The following MTHFD1 variants were observed in gnomAD, a reference collection of about 807,000 sequenced individuals.
MTHFD1 encodes the protein methylenetetrahydrofolate dehydrogenase, cyclohydrolase and formyltetrahydrofolate synthetase 1.
A neutral mutation model predicts 110.3 loss-of-function variants in MTHFD1; 44 were observed. The ratio of observed to expected loss-of-function variants is 0.40; its 90% CI spans 0.31 to 0.51. The LOEUF is 0.51. MTHFD1 is among the 20% of genes least tolerant of loss of function. The probability of loss-of-function intolerance (pLI) is 0.60; values close to 1 mark genes in which losing one functional copy is unlikely to be tolerated. For missense variants in MTHFD1, 909 were observed against 1,173.1 expected, an observed-to-expected ratio of 0.77 and a Z score of 3.29; for synonymous variants, 402 against 428.8, an observed-to-expected ratio of 0.94 and a Z score of 0.77.
chr14:64,395,505 G>C (rs569225297), intron 1 of MTHFD1, among the ~76,000 whole-genome samples: 1 of 152,152 alleles, frequency 6.6e-6, no homozygotes. Flanking sequence ...GGACTCCGAA[G>C]GTTCTTTCCT....
At chr14:64,437,745 A>G (rs924993578) in intron 16 of MTHFD1, among the ~76,000 whole-genome samples, 8 of 152,146 alleles carry the variant, frequency 5.3e-5, no homozygotes, top group African/African-American at 1.9e-4. Flanking sequence ...GAAGCATTTC[A>G]CTTGTGTTTA....
intron 26 of MTHFD1, among the ~76,000 whole-genome samples, chr14:64,457,191 G>C (rs555145106): frequency 6.6e-6 from 1 of 152,326 alleles, no homozygotes; most frequent in East Asian, 1.9e-4. Context: ...CTACCATCGT[G>C]TTGCTGAAGC....
Position 64,427,438 on chromosome 14 carries a change from G to A in MTHFD1, c.1229G>A (p.Arg410Gln), listed in dbSNP as rs765818219. The change falls in exon 12 of 28, where the codon CGA (arginine) becomes CAA (glutamine). Residue 410 changes from arginine to glutamine, a missense_variant. Physicochemically the swap from Arg to Gln is conservative, Grantham distance 43. This residue lies in a region of MTHFD1 where 424 missense variants were observed against 510.4 expected (regional missense o/e 0.83). Coordinates refer to ENST00000652337, the MANE Select transcript of MTHFD1 (RefSeq NM_005956.4). ...HLYQNVFACVRQPSQGPTFGI... is the reference protein window; with the variant it reads ...HLYQNVFACVQQPSQGPTFGI... ...TACCAGAATGTCTTTGCGTGTGTGC[G>A]ACAGCCTTCTCAGGGCCCCACCTTT... 3.1e-6 allele frequency: 5 copies of A among 1,614,054 alleles called. No individual in the cohort carries two copies. Among genetic ancestry groups the A allele is most frequent in the Non-Finnish European group, 3.4e-6 (4 of 1,180,038 alleles).
intron 23 of MTHFD1, 189 bp from the exon 24 acceptor site, chr14:64,449,256 A>G (rs936076347): frequency 1.5e-6 from 1 of 660,004 alleles, no homozygotes; most frequent in Non-Finnish European, 2.7e-6. Context: ...TGAGGCACAT[A>G]AAGATTAGGT....
intron 2 of MTHFD1, among the ~76,000 whole-genome samples, chr14:64,406,047 A>ATTT (rs201337278): frequency 2.0e-5 from 3 of 147,748 alleles, no homozygotes; most frequent in African/African-American, 7.4e-5. Context: ...TATTATTATT[A>ATTT]TTTTTTTTGA....
intron 15 of MTHFD1, among the ~76,000 whole-genome samples, chr14:64,434,304 A>C (rs1190918215): frequency 6.6e-6 from 1 of 152,180 alleles, no homozygotes; most frequent in Non-Finnish European, 1.5e-5. Flanking sequence ...TAATCCCAGC[A>C]CTTTGGGAGG....
chr14:64,398,071 G>A (rs898918475), intron 1 of MTHFD1, among the ~76,000 whole-genome samples: 2 of 152,118 alleles, frequency 1.3e-5, no homozygotes, highest in African/African-American at 4.8e-5. Flanking sequence ...GGAGCAGCTA[G>A]GGCTGGAACT....
intron 1 of MTHFD1, among the ~76,000 whole-genome samples, chr14:64,398,333 C>T (rs1363999464): frequency 6.6e-6 from 1 of 152,120 alleles, no homozygotes; most frequent in East Asian, 1.9e-4. Flanking sequence ...ATCACTTGAG[C>T]TCAGGAGTTC....
intron 19 of MTHFD1, 91 bp downstream of exon 19, chr14:64,441,544 C>T: frequency 1.7e-6 from 2 of 1,191,744 alleles, no homozygotes; most frequent in Non-Finnish European, 2.5e-6. Flanking sequence ...CGGTGGCTCA[C>T]ACCTGTAATC....
chr14:64,449,179 A>AT, intron 23 of MTHFD1: 1 of 510,040 alleles, frequency 2.0e-6, no homozygotes, highest in Non-Finnish European at 3.6e-6. Context: ...TGGATTTACC[A>AT]TCTGAGTCTC....
At chr14:64,459,615 C>T (rs145941228) in intron 27 of MTHFD1, 144 bp from the exon 28 acceptor site, 26 of 668,918 alleles carry the variant, frequency 3.9e-5, no homozygotes, top group Non-Finnish European at 5.2e-5. Context: ...TTTATGGACA[C>T]GCCCTAGAAG....
intron 6 of MTHFD1, among the ~76,000 whole-genome samples, chr14:64,416,757 C>T (rs1566561125): frequency 6.6e-6 from 1 of 152,114 alleles, no homozygotes; most frequent in Non-Finnish European, 1.5e-5. Flanking sequence ...ATTTAGCAAA[C>T]ATTGTAGTGC....
At chr14:64,411,183 C>T in intron 3 of MTHFD1, 34 bp downstream of exon 3, 2 of 1,558,674 alleles carry the variant, frequency 1.3e-6, no homozygotes, top group Non-Finnish European at 1.8e-6. Flanking sequence ...TCACCCTCCC[C>T]AACCTCCACC....
At chr14:64,456,070 A>C (rs1256004774) in intron 26 of MTHFD1, among the ~76,000 whole-genome samples, 2 of 152,208 alleles carry the variant, frequency 1.3e-5, no homozygotes, top group Non-Finnish European at 2.9e-5. Context: ...CTACCAGCTG[A>C]AAGACGGGTA....
rs1340700413 is a variant in MTHFD1, at chr14:64,440,206, A to T, written c.1755A>T (p.Arg585Ser). Residue 585 changes from arginine to serine, a missense_variant, in exon 18 of 28, where the codon AGA (arginine) becomes AGT (serine). Physicochemically the swap from Arg to Ser is moderately radical, Grantham distance 110. Around this residue, in one of 3 missense-constraint regions of MTHFD1, gnomAD observed 482 missense variants for 646.0 expected, o/e 0.75. Coordinates refer to ENST00000652337, the MANE Select transcript of MTHFD1 (RefSeq NM_005956.4). ...LTTSLEDMRE[R>S]LGKMVVASSK... Reference sequence around the variant, plus strand: ...CTTCTCTAGAAGACATGAGAGAGAGACTGGGCAAAATGGTGGTGGCATCCA... The same window carrying T: ...CTTCTCTAGAAGACATGAGAGAGAGTCTGGGCAAAATGGTGGTGGCATCCA... 1 of 1,614,046 alleles carries T rather than the reference A, an allele frequency of 6.2e-7. No homozygotes were observed. Among genetic ancestry groups the T allele is most frequent in the African/African-American group, 1.3e-5 (1 of 74,910 alleles).
intron 11 of MTHFD1, 151 bp downstream of exon 11, chr14:64,426,343 A>G (rs1158052938): frequency 1.1e-6 from 1 of 881,794 alleles, no homozygotes; most frequent in Non-Finnish European, 1.8e-6. Context: ...CCTTACAGCA[A>G]TCCTGAGAGG....
chr14:64,436,143 A>G (rs1221228000), intron 16 of MTHFD1, among the ~76,000 whole-genome samples: 4 of 151,746 alleles, frequency 2.6e-5, no homozygotes, highest in South Asian at 2.1e-4. Flanking sequence ...CGCCCAGGCT[A>G]GAGTGCAGTG....
chr14:64,425,590 T>C, intron 9 of MTHFD1, 140 bp from the exon 10 acceptor site: 1 of 767,550 alleles, frequency 1.3e-6, no homozygotes, highest in South Asian at 1.5e-5. Context: ...TCTTGACTCT[T>C]AGCTAGGATT....
At chr14:64,410,513 G>T (rs1350676599) in intron 2 of MTHFD1, among the ~76,000 whole-genome samples, 1 of 152,100 alleles carries the variant, frequency 6.6e-6, no homozygotes, top group Non-Finnish European at 1.5e-5. Context: ...GACCTGAGTT[G>T]CTGCACCCGG....
Sources: gnomAD v4.1 joint callset for allele counts (sites outside exome capture counted in the v4.1 genomes callset) on GRCh38, gnomAD v4.1.1 for gene constraint, gnomAD v4.1.1 regional missense constraint, MANE v1.5 for transcripts, NCBI Gene and HGNC (gene_info 2026-07-23, HGNC 2026-07-21) for gene names.